The following TASP1 variants were observed in gnomAD, a reference collection of about 807,000 sequenced individuals.
TASP1 encodes threonine aspartase 1.
A neutral mutation model predicts 56.6 loss-of-function variants in TASP1; 16 were observed. That is an observed-to-expected ratio of 0.28 (90% CI 0.19 to 0.43). TASP1 has a LOEUF of 0.43. TASP1 is among the 20% of genes least tolerant of loss of function. The probability of loss-of-function intolerance (pLI) is 1.00; values close to 1 mark genes in which losing one functional copy is unlikely to be tolerated. For synonymous variants in TASP1, 179 were observed against 184.2 expected (o/e 0.97, Z 0.23); for missense variants, 393 against 511.6 (o/e 0.77, Z 2.24).
chr20:13,573,733 G>C (rs567133492), intron 6 of TASP1, among the ~76,000 whole-genome samples: 1 of 152,096 alleles, frequency 6.6e-6, no homozygotes, highest in East Asian at 1.9e-4. Context: ...TTGAAGTGGT[G>C]AAAAAAACAA....
chr20:13,385,148 C>T (rs758198178), downstream of TASP1, among the ~76,000 whole-genome samples: 20 of 152,308 alleles, frequency 1.3e-4, no homozygotes, highest in East Asian at 5.8e-4. Flanking sequence ...ATGGCATGCA[C>T]GTCGTGAAAA....
the TASP1 span, among the ~76,000 whole-genome samples, chr20:13,243,029 C>G: frequency 6.6e-6 from 1 of 152,186 alleles, no homozygotes; most frequent in Non-Finnish European, 1.5e-5. Context: ...CCAAGTCACA[C>G]AGATAGCAGA....
the TASP1 span, among the ~76,000 whole-genome samples, chr20:13,344,478 T>C: frequency 6.6e-6 from 1 of 152,116 alleles, no homozygotes; most frequent in African/African-American, 2.4e-5. Context: ...GGAGAGAGAC[T>C]CTTCATGGGA....
chr20:13,564,056 A>G (rs2046434658), intron 7 of TASP1, among the ~76,000 whole-genome samples: 1 of 152,168 alleles, frequency 6.6e-6, no homozygotes. Context: ...TACTAGAACT[A>G]GAAGTCCTAG....
At chr20:13,127,101 C>T in the TASP1 span, among the ~76,000 whole-genome samples, 27 of 152,280 alleles carry the variant, frequency 1.8e-4, no homozygotes, top group Admixed American at 1.3e-3. Context: ...ATTTTTCAAT[C>T]CTTTTATTTT....
At chr20:13,448,591 T>C (rs1054108814) in intron 11 of TASP1, among the ~76,000 whole-genome samples, 2 of 152,120 alleles carry the variant, frequency 1.3e-5, no homozygotes, top group Admixed American at 1.3e-4. Flanking sequence ...TCATGTGTAT[T>C]CTTACACAAA....
At chr20:13,373,571 G>A in the TASP1 span, among the ~76,000 whole-genome samples, 1 of 151,272 alleles carries the variant, frequency 6.6e-6, no homozygotes, top group Non-Finnish European at 1.5e-5. Flanking sequence ...CTTTGAATGT[G>A]TTGCTCCATT....
chr20:13,624,658 C>T (rs1369504423), intron 3 of TASP1, among the ~76,000 whole-genome samples: 1 of 152,132 alleles, frequency 6.6e-6, no homozygotes, highest in Admixed American at 6.6e-5. Context: ...CCATTCCTGT[C>T]CCCACATTAA....
intron 13 of TASP1, among the ~76,000 whole-genome samples, chr20:13,404,856 G>A (rs918642845): frequency 6.6e-6 from 1 of 151,724 alleles, no homozygotes; most frequent in Non-Finnish European, 1.5e-5. Flanking sequence ...CTGAATCTCT[G>A]TTCAGAAATA....
chr20:13,496,088 C>T (rs899271471), intron 10 of TASP1, among the ~76,000 whole-genome samples: 1 of 151,994 alleles, frequency 6.6e-6, no homozygotes, highest in Non-Finnish European at 1.5e-5. Flanking sequence ...GAGTCTTGCT[C>T]TGTCACCCAG....
intron 2 of TASP1, among the ~76,000 whole-genome samples, chr20:13,627,522 C>T (rs1213860679): frequency 6.6e-6 from 1 of 152,050 alleles, no homozygotes; most frequent in Non-Finnish European, 1.5e-5. Flanking sequence ...GAGGCCGAGG[C>T]GGGTGGATCA....
At chr20:13,337,284 T>A in the TASP1 span, among the ~76,000 whole-genome samples, 1 of 152,138 alleles carries the variant, frequency 6.6e-6, no homozygotes, top group Non-Finnish European at 1.5e-5. Flanking sequence ...GCCCCTCCCA[T>A]CTTGTGAGTC....
the TASP1 span, chr20:13,164,733 T>C: frequency 6.3e-7 from 1 of 1,598,052 alleles, no homozygotes; most frequent in Non-Finnish European, 8.6e-7. Flanking sequence ...TGATAGCTAT[T>C]GGAAAGCAAT....
rs751288702 is a variant in TASP1 at position 13,528,470 on chromosome 20, T to C, written c.837A>G (p.Gly279=). 1 of 1,610,660 alleles carries C rather than the reference T, an allele frequency of 6.2e-7. No homozygotes were observed. Among genetic ancestry groups the C allele is most frequent in the East Asian group, 2.2e-5 (1 of 44,780 alleles). Residue 279 remains glycine, a synonymous_variant, in exon 10 of 14, where the codon GGA becomes GGG. Coordinates refer to ENST00000337743, the MANE Select transcript of TASP1 (RefSeq NM_017714.3). ...CAGCTGTGGAGTAGGGGTTATGAGCTCCAGTATTTTCAGCCCAGCAGCCAC... is the reference window on the plus strand; with the variant it reads ...CAGCTGTGGAGTAGGGGTTATGAGCCCCAGTATTTTCAGCCCAGCAGCCAC... ...YGCGCWAENT[G]AHNPYSTAVS...
chr20:13,374,842 G>C, the TASP1 span, among the ~76,000 whole-genome samples: 1 of 152,108 alleles, frequency 6.6e-6, no homozygotes, highest in Non-Finnish European at 1.5e-5. Context: ...CTCCTCACAG[G>C]ATGCAGCCTT....
At chr20:13,281,952 C>A in the TASP1 span, among the ~76,000 whole-genome samples, 1 of 152,186 alleles carries the variant, frequency 6.6e-6, no homozygotes, top group African/African-American at 2.4e-5. Flanking sequence ...GTGTGGCCCC[C>A]AGAACCAGCA....
chr20:13,321,475 G>A, the TASP1 span, among the ~76,000 whole-genome samples: 40 of 152,168 alleles, frequency 2.6e-4, no homozygotes, highest in African/African-American at 4.3e-4. Flanking sequence ...GCTCTAGGAC[G>A]TTCCAGAATT....
the TASP1 span, among the ~76,000 whole-genome samples, chr20:13,141,852 G>A: frequency 6.6e-6 from 1 of 152,096 alleles, no homozygotes; most frequent in South Asian, 2.1e-4. Context: ...CTGTGCTGGG[G>A]GGCAAAAAAG....
At chr20:13,523,523 C>T (rs1186613049) in intron 10 of TASP1, among the ~76,000 whole-genome samples, 1 of 152,154 alleles carries the variant, frequency 6.6e-6, no homozygotes, top group Non-Finnish European at 1.5e-5. Context: ...CAGAGGAAGA[C>T]CTCTGGTTGT....
Sources: gnomAD v4.1 joint callset for allele counts (sites outside exome capture counted in the v4.1 genomes callset) on GRCh38, gnomAD v4.1.1 for gene constraint, MANE v1.5 for transcripts, NCBI Gene and HGNC (gene_info 2026-07-23, HGNC 2026-07-21) for gene names.